The following MDGA2 variants were observed in gnomAD, a reference collection of about 807,000 sequenced individuals.
The protein encoded by MDGA2 is MAM domain-containing glycosylphosphatidylinositol anchor protein 2.
Under a neutral mutation model 117.8 loss-of-function variants are expected in MDGA2, and 40 were observed. That is an observed-to-expected ratio of 0.34 (90% CI 0.26 to 0.44). The LOEUF (loss-of-function observed/expected upper bound fraction) is 0.44, where lower values mean the gene tolerates loss of function less well. Ranked by LOEUF, MDGA2 falls within the 20% of genes least tolerant of loss-of-function variation. The pLI, the probability that MDGA2 is intolerant of heterozygous loss-of-function variation, is 1.00. For synonymous variants in MDGA2, 452 were observed against 439.0 expected (o/e 1.03, Z -0.37); for missense variants, 1,123 against 1,250.6 (o/e 0.90, Z 1.54).
At position 47,612,987 on chromosome 14, in the gene MDGA2, C is replaced by A. The variant is rs182337528; in HGVS notation, c.280+61530G>T. Among the ~76,000 whole-genome samples the A allele has an allele frequency of 2.0e-4, 30 of 152,304 alleles. 1 individual carries two copies. The highest frequency in any genetic ancestry group is 6.5e-4 in the African/African-American group (27 of 41,572). Reference sequence around the variant, plus strand: ...TGGAGACCTACTGATACCATATTTTCTTTCCCTTATTGCGGGTATTGAAAA... The same window carrying A: ...TGGAGACCTACTGATACCATATTTTATTTCCCTTATTGCGGGTATTGAAAA... On this transcript the variant is annotated intron_variant, in intron 1 of 16. Coordinates refer to ENST00000399232, the MANE Select transcript of MDGA2 (RefSeq NM_001113498.3).
rs538757809 is a variant in MDGA2, at chr14:46,884,782, A to G, written c.2239-2561T>C. Reference sequence around the variant, plus strand: ...TATTAAACAATTAAATTTAAAACATACAATTTAAATCAGTTAGGAAAAATA... The same window carrying G: ...TATTAAACAATTAAATTTAAAACATGCAATTTAAATCAGTTAGGAAAAATA... On this transcript the variant is annotated intron_variant, in intron 10 of 16. Transcript: ENST00000399232. The surrounding 1 kb of genome is among the most constrained non-coding windows in gnomAD (Gnocchi z 4.1). 1.1e-3 allele frequency among the ~76,000 whole-genome samples: 175 copies of G among 152,278 alleles called. No individual in the cohort carries two copies. The highest frequency in any genetic ancestry group is 4.1e-3 in the African/African-American group (170 of 41,560).
At chr14:47,376,866 G>T (rs962196886) in intron 1 of MDGA2, among the ~76,000 whole-genome samples, 3 of 151,896 alleles carry the variant, frequency 2.0e-5, no homozygotes, top group Admixed American at 1.3e-4. Flanking sequence ...GGAAAGGGGG[G>T]GCACAAACTT....
At chr14:47,145,318 A>G (rs181248949) in intron 3 of MDGA2, among the ~76,000 whole-genome samples, 38 of 152,266 alleles carry the variant, frequency 2.5e-4, no homozygotes, top group Admixed American at 2.5e-3. Context: ...GCAGTGTGAA[A>G]GCAGCAAAAC....
intron 11 of MDGA2, 33 bp from the exon 12 acceptor site, chr14:46,877,542 A>AC: frequency 6.8e-7 from 1 of 1,480,166 alleles, no homozygotes. Context: ...AAACAAACAA[A>AC]AAAACAATGT....
At chr14:47,660,025 A>G (rs1206084531) in intron 1 of MDGA2, among the ~76,000 whole-genome samples, 1 of 152,152 alleles carries the variant, frequency 6.6e-6, no homozygotes, top group Non-Finnish European at 1.5e-5. Context: ...AATTCACAAA[A>G]TCAGTGCTTC....
chr14:47,230,479 G>A (rs1476139551), intron 2 of MDGA2, among the ~76,000 whole-genome samples: 2 of 151,910 alleles, frequency 1.3e-5, no homozygotes, highest in Non-Finnish European at 2.9e-5. Flanking sequence ...AATGGCTTAA[G>A]GAATATTATA....
intron 1 of MDGA2, among the ~76,000 whole-genome samples, chr14:47,347,097 A>G (rs1454565061): frequency 6.6e-6 from 1 of 152,236 alleles, no homozygotes; most frequent in Non-Finnish European, 1.5e-5. Flanking sequence ...GGATTGAGAA[A>G]TGATCAGACG....
At chr14:47,594,383 G>A (rs1225044595) in intron 1 of MDGA2, among the ~76,000 whole-genome samples, 1 of 152,160 alleles carries the variant, frequency 6.6e-6, no homozygotes, top group Non-Finnish European at 1.5e-5. Context: ...TTAAGTGTTA[G>A]CATAATGTCT....
intron 2 of MDGA2, among the ~76,000 whole-genome samples, chr14:47,280,590 G>A (rs1005423848): frequency 9.2e-5 from 14 of 151,930 alleles, no homozygotes; most frequent in South Asian, 2.1e-4. Flanking sequence ...TTTGTGGAGA[G>A]CTCTATGGGA....
intron 1 of MDGA2, among the ~76,000 whole-genome samples, chr14:47,551,325 G>A (rs1413945407): frequency 6.6e-6 from 1 of 152,106 alleles, no homozygotes; most frequent in African/African-American, 2.4e-5. Flanking sequence ...AGAAATAACT[G>A]AAGCCTGTTC....
chr14:47,194,750 C>CTCTCTCTCACTCTCTCTT (rs773726197), intron 3 of MDGA2, among the ~76,000 whole-genome samples: 3 of 151,988 alleles, frequency 2.0e-5, no homozygotes, highest in East Asian at 1.9e-4. Context: ...ATCTCACTCT[C>CTCTCTCTCACTCTCTCTT]TCTCTCTCAC....
At chr14:47,541,693 T>G (rs1228909854) in intron 1 of MDGA2, among the ~76,000 whole-genome samples, 2 of 152,230 alleles carry the variant, frequency 1.3e-5, no homozygotes, top group Non-Finnish European at 2.9e-5. Context: ...TCTTAATCGC[T>G]CTGAGAGCTT....
At chr14:47,494,210 C>A (rs536774276) in intron 1 of MDGA2, among the ~76,000 whole-genome samples, 1 of 152,160 alleles carries the variant, frequency 6.6e-6, no homozygotes, top group African/African-American at 2.4e-5. Context: ...TTATAAATTG[C>A]CCAGTCTTGG....
chr14:46,864,935 T>A (rs968883609), intron 14 of MDGA2, among the ~76,000 whole-genome samples: 137 of 151,994 alleles, frequency 9.0e-4, no homozygotes, highest in African/African-American at 3.2e-3. Flanking sequence ...CCACTGAGAT[T>A]CTCCTAGAGT....
At chr14:47,543,159 A>G (rs902960384) in intron 1 of MDGA2, among the ~76,000 whole-genome samples, 3 of 152,200 alleles carry the variant, frequency 2.0e-5, no homozygotes, top group Admixed American at 2.0e-4. Context: ...GCTGTAAGCC[A>G]TGATTGCACC....
intron 1 of MDGA2, among the ~76,000 whole-genome samples, chr14:47,395,498 T>C (rs1891988731): frequency 6.6e-6 from 1 of 152,136 alleles, no homozygotes; most frequent in Non-Finnish European, 1.5e-5. Context: ...TTAAACGTAT[T>C]GGAAAGCAAT....
Position 47,596,565 on chromosome 14 carries a change from G to T in MDGA2, c.280+77952C>A, listed in dbSNP as rs1434677110. Among the ~76,000 whole-genome samples, 3 of 152,220 alleles carry T rather than the reference G, an allele frequency of 2.0e-5. No individual in the cohort carries two copies. In the East Asian group the frequency reaches 5.8e-4, roughly 29 times the overall value. On this transcript the variant is annotated intron_variant, in intron 1 of 16. Coordinates refer to ENST00000399232, the MANE Select transcript of MDGA2 (RefSeq NM_001113498.3). ...TCCCCACTCTGTCTCCTCCCAGGAAGCCCGTTTTATCCTTGGCTGTCCTGA... is the reference window on the plus strand; with the variant it reads ...TCCCCACTCTGTCTCCTCCCAGGAATCCCGTTTTATCCTTGGCTGTCCTGA...
chr14:47,061,886 T>G (rs1889896585), intron 6 of MDGA2, among the ~76,000 whole-genome samples: 2 of 152,028 alleles, frequency 1.3e-5, no homozygotes, highest in African/African-American at 4.8e-5. Context: ...TGACATTGAA[T>G]TTTGAACAAA....
chr14:47,648,495 G>T (rs1897578017), intron 1 of MDGA2, among the ~76,000 whole-genome samples: 3 of 152,002 alleles, frequency 2.0e-5, no homozygotes, highest in Non-Finnish European at 4.4e-5. Flanking sequence ...TATACATAAT[G>T]TCTAATAATG....
Sources: gnomAD v4.1 joint callset for allele counts (sites outside exome capture counted in the v4.1 genomes callset) on GRCh38, gnomAD v4.1.1 for gene constraint, Gnocchi (gnomAD v3.1) non-coding constraint, MANE v1.5 for transcripts, NCBI Gene and HGNC (gene_info 2026-07-23, HGNC 2026-07-21) for gene names.